Variants in CASZ1 observed in about 807,000 individuals in gnomAD.
CASZ1 encodes the protein zinc finger protein castor homolog 1.
In CASZ1, 28 loss-of-function variants were observed where a neutral mutation model predicts 135.2. That is an observed-to-expected ratio of 0.21 (90% CI 0.15 to 0.28). The LOEUF (loss-of-function observed/expected upper bound fraction) is 0.28, where lower values mean the gene tolerates loss of function less well. CASZ1 is among the 10% of genes least tolerant of loss of function. CASZ1 has a pLI of 1.00. For missense variants in CASZ1, 2,161 were observed against 2,453.3 expected (o/e 0.88, Z 2.52); for synonymous variants, 1,068 against 1,073.4 (o/e 0.99, Z 0.10).
intron 9 of CASZ1, 54 bp downstream of exon 9, chr1:10,655,595 G>C: frequency 6.5e-7 from 1 of 1,531,510 alleles, no homozygotes; most frequent in Non-Finnish European, 8.9e-7. Context: ...CTCAGAGCCG[G>C]GAGGGCCTGG....
At chr1:10,683,415 T>C (rs764652909) in intron 4 of CASZ1, among the ~76,000 whole-genome samples, 9 of 152,222 alleles carry the variant, frequency 5.9e-5, no homozygotes, top group Non-Finnish European at 1.0e-4. Context: ...GTTTATCACG[T>C]GGAGTTCCCA....
intron 2 of CASZ1, among the ~76,000 whole-genome samples, chr1:10,745,764 A>G (rs1339989538): frequency 6.6e-6 from 1 of 152,224 alleles, no homozygotes; most frequent in Non-Finnish European, 1.5e-5. Context: ...ATCTCTGGCC[A>G]TAGGGCACCT....
intron 4 of CASZ1, among the ~76,000 whole-genome samples, chr1:10,690,033 C>T (rs887100204): frequency 6.6e-6 from 1 of 152,256 alleles, no homozygotes; most frequent in Non-Finnish European, 1.5e-5. Flanking sequence ...GGTGCCCAAC[C>T]TGGCTACAGG....
At position 10,665,482 on chromosome 1, in the gene CASZ1, C is replaced by T. The variant is rs778145423; in HGVS notation, c.106G>A (p.Ala36Thr). ...KGGLKLNAIC[A>T]KLSRQVVVEK... ...ACCACCACCTGGCGGCTCAGCTTGG[C>T]GCAGATGGCGTTCAGCTTCAGGCCA... The change falls in exon 5 of 21, where the codon GCC becomes ACC. Residue 36 changes from alanine (A) to threonine (T), a missense_variant. Ala to Thr is a moderately conservative substitution (Grantham distance 58). Transcript: ENST00000377022. The T allele has an allele frequency of 7.5e-6, 12 of 1,607,624 alleles. No homozygotes were observed. In the Admixed American group the frequency reaches 8.3e-5, roughly 11 times the overall value.
chr1:10,645,022 T>A lies in CASZ1; in HGVS notation c.3763A>T (p.Ile1255Phe), dbSNP rs1363424514. The A allele has an allele frequency of 6.2e-7, 1 of 1,614,070 alleles. No homozygotes were observed. Among genetic ancestry groups the A allele is most frequent in the Non-Finnish European group, 8.5e-7 (1 of 1,179,998 alleles). Reference protein sequence around the residue: ...LRTGCYFVTNITTKLPWHIKK... With the variant: ...LRTGCYFVTNFTTKLPWHIKK... ...ATGTGCCAGGGGAGCTTGGTGGTGA[T>A]GTTGGTCACAAAATAGCAGCCGGTG... Residue 1255 changes from isoleucine (I) to phenylalanine (F), a missense_variant, in exon 18 of 21, where the codon ATC becomes TTC. By Grantham distance (21) the Ile-to-Phe change is conservative. Around this residue, in one of 7 missense-constraint regions of CASZ1, gnomAD observed 349 missense variants for 460.8 expected, o/e 0.76. Coordinates refer to ENST00000377022, the MANE Select transcript of CASZ1 (RefSeq NM_001079843.3).
chr1:10,658,425 T>C, intron 7 of CASZ1, 83 bp downstream of exon 7: 2 of 1,149,908 alleles, frequency 1.7e-6, no homozygotes, highest in Non-Finnish European at 2.6e-6. Context: ...AGAGGTCAGA[T>C]ATCAAACGAA....
At position 10,757,169 on chromosome 1, in the gene CASZ1, A is replaced by C. The variant is rs1269729188; in HGVS notation, c.-77+3532T>G. ...GTTCCAAGATGGCACTTCTCCCCTA[A>C]TGCATGAGACGTTAACCCTCTCAAA... On this transcript the variant is annotated intron_variant, in intron 2 of 20. Transcript: ENST00000377022. This position sits in a 1 kb window ranked among gnomAD's most constrained non-coding sequence, Gnocchi z 4.6. Among the ~76,000 whole-genome samples, 1 of 152,044 alleles carries C rather than the reference A, an allele frequency of 6.6e-6. No homozygotes were observed. The highest frequency in any genetic ancestry group is 1.5e-5 in the Non-Finnish European group (1 of 67,994).
intron 18 of CASZ1, among the ~76,000 whole-genome samples, chr1:10,643,579 CAGGG>C (rs1325989729): frequency 6.6e-6 from 1 of 152,238 alleles, no homozygotes; most frequent in African/African-American, 2.4e-5. Context: ...GGCTCACACA[CAGGG>C]AGGTGCACAG....
rs1256793122 is a variant in CASZ1, at chr1:10,756,961, ACC to A, written c.-77+3738_-77+3739del. 6.6e-6 allele frequency among the ~76,000 whole-genome samples: 1 copy of A among 152,150 alleles called. No individual in the cohort carries two copies. The highest frequency in any genetic ancestry group is 1.5e-5 in the Non-Finnish European group (1 of 68,028). On this transcript the variant is annotated intron_variant, in intron 2 of 20. Coordinates refer to ENST00000377022, the MANE Select transcript of CASZ1 (RefSeq NM_001079843.3). The surrounding 1 kb of genome is among the most constrained non-coding windows in gnomAD (Gnocchi z 5.9). ...AGCCAACTTTTAGACCCAATCTCAG[ACC>A]CAGCACAGAACCCAGGGAGCAAACA... is the stretch of plus-strand genomic sequence containing the variant.
At chr1:10,793,432 C>A (rs542740962) in intron 1 of CASZ1, among the ~76,000 whole-genome samples, 52 of 151,984 alleles carry the variant, frequency 3.4e-4, no homozygotes, top group African/African-American at 1.2e-3. Flanking sequence ...CTCCAAGTCT[C>A]GGCAAGGTGC....
rs1486913252 is a variant in CASZ1 at position 10,676,140 on chromosome 1, A to G, written c.17-10569T>C. On this transcript the variant is annotated intron_variant, in intron 4 of 20. Transcript: ENST00000377022. The surrounding 1 kb of genome is among the most constrained non-coding windows in gnomAD (Gnocchi z 4.5). Reference sequence around the variant, plus strand: ...AGGCTTGGGGGCCAAGGAAGGAGGGACAGCAGGAACCCCTGAGGGTCACAC... The same window carrying G: ...AGGCTTGGGGGCCAAGGAAGGAGGGGCAGCAGGAACCCCTGAGGGTCACAC... Among the ~76,000 whole-genome samples, 5 of 152,142 alleles carry G rather than the reference A, an allele frequency of 3.3e-5. No individual in the cohort carries two copies. The highest frequency in any genetic ancestry group is 3.3e-4 in the Admixed American group (5 of 15,290).
At chr1:10,744,264 A>C (rs1639994396) in intron 2 of CASZ1, among the ~76,000 whole-genome samples, 1 of 150,354 alleles carries the variant, frequency 6.7e-6, no homozygotes, top group East Asian at 2.0e-4. Flanking sequence ...AAAGAGAGCC[A>C]AGGGTGGGGT....
intron 1 of CASZ1, among the ~76,000 whole-genome samples, chr1:10,772,413 C>G (rs555231508): frequency 2.6e-5 from 4 of 152,334 alleles, no homozygotes; most frequent in African/African-American, 9.6e-5. Context: ...AGATTGGCCT[C>G]TTTCAGCCTT....
chr1:10,742,242 GA>G (rs1389835947), intron 2 of CASZ1, among the ~76,000 whole-genome samples: 4 of 152,218 alleles, frequency 2.6e-5, no homozygotes, highest in Non-Finnish European at 4.4e-5. Flanking sequence ...AGAGGGGCAG[GA>G]AGGCGGGAGG....
At chr1:10,764,628 C>G (rs1238114878) in intron 1 of CASZ1, among the ~76,000 whole-genome samples, 1 of 152,208 alleles carries the variant, frequency 6.6e-6, no homozygotes, top group Non-Finnish European at 1.5e-5. Context: ...GGCTGACAGG[C>G]TCCAAGGCCC....
intron 2 of CASZ1, among the ~76,000 whole-genome samples, chr1:10,729,354 G>A (rs1028209552): frequency 2.6e-5 from 4 of 152,196 alleles, no homozygotes; most frequent in African/African-American, 9.7e-5. Context: ...TGGCACTGCG[G>A]GGCAGCCGGG....
rs1378979561 is a variant in CASZ1, at chr1:10,657,015, G to A, written c.1410-279C>T. Reference sequence around the variant, plus strand: ...CCCGAGCCCTGGGATGGAAGGGAAGGCAGGCGCCCCCTCGGCTGCCCACCT... The same window carrying A: ...CCCGAGCCCTGGGATGGAAGGGAAGACAGGCGCCCCCTCGGCTGCCCACCT... On this transcript the variant is annotated intron_variant, in intron 7 of 20. Transcript: ENST00000377022. The surrounding 1 kb of genome is among the most constrained non-coding windows in gnomAD (Gnocchi z 5.7). Among the ~76,000 whole-genome samples the A allele has an allele frequency of 6.6e-6, 1 of 152,178 alleles. No individual in the cohort carries two copies. Among genetic ancestry groups the A allele is most frequent in the Admixed American group, 6.5e-5 (1 of 15,286 alleles).
intron 4 of CASZ1, among the ~76,000 whole-genome samples, chr1:10,689,094 G>A (rs980799148): frequency 2.6e-5 from 4 of 152,172 alleles, no homozygotes; most frequent in Admixed American, 6.5e-5. Context: ...GGGCCTGGGG[G>A]CATGGGGGGT....
rs1638227445 is a variant in CASZ1 at position 10,676,445 on chromosome 1, C to G, written c.17-10874G>C. On this transcript the variant is annotated intron_variant, in intron 4 of 20. Transcript: ENST00000377022. This position sits in a 1 kb window ranked among gnomAD's most constrained non-coding sequence, Gnocchi z 4.5. ...AAGGTGACCTTTCAACAGAACATCC[C>G]CAATGCAGGCTCTTCCCACCAGGAC... 6.6e-6 allele frequency among the ~76,000 whole-genome samples: 1 copy of G among 152,168 alleles called. No individual in the cohort carries two copies. The highest frequency in any genetic ancestry group is 2.1e-4 in the South Asian group (1 of 4,826).
Sources: gnomAD v4.1 joint callset for allele counts (sites outside exome capture counted in the v4.1 genomes callset) on GRCh38, gnomAD v4.1.1 for gene constraint, gnomAD v4.1.1 regional missense constraint, Gnocchi (gnomAD v3.1) non-coding constraint, MANE v1.5 for transcripts, NCBI Gene and HGNC (gene_info 2026-07-23, HGNC 2026-07-21) for gene names.